Variants in PTPRD observed in about 807,000 individuals in gnomAD.
PTPRD encodes receptor-type tyrosine-protein phosphatase delta.
In PTPRD, 34 loss-of-function variants were observed where a neutral mutation model predicts 214.5. That is an observed-to-expected ratio of 0.16 (90% CI 0.12 to 0.21). The LOEUF (loss-of-function observed/expected upper bound fraction) is 0.21, where lower values mean the gene tolerates loss of function less well. Ranked by LOEUF, PTPRD falls within the 10% of genes least tolerant of loss-of-function variation. The pLI is 1.00. For missense variants in PTPRD, 2,545 were observed against 2,398.7 expected (o/e 1.06, Z -1.27); for synonymous variants, 1,128 against 845.7 (o/e 1.33, Z -5.79).
intron 11 of PTPRD, among the ~76,000 whole-genome samples, chr9:8,928,909 C>A (rs1022079921): frequency 3.9e-5 from 6 of 152,096 alleles, no homozygotes; most frequent in African/African-American, 1.4e-4. Context: ...TCCTTCGCAT[C>A]CCTCGTAAGT....
chr9:9,350,513 C>T (rs936539787), intron 9 of PTPRD, among the ~76,000 whole-genome samples: 1 of 151,910 alleles, frequency 6.6e-6, no homozygotes, highest in Non-Finnish European at 1.5e-5. Flanking sequence ...ATTTGCATCC[C>T]CTTTTGTGTC....
intron 11 of PTPRD, among the ~76,000 whole-genome samples, chr9:8,741,566 C>CTTTTTTTTTTTTTTTTTTT (rs66547770): frequency 1.3e-4 from 9 of 70,634 alleles, no homozygotes; most frequent in African/African-American, 1.8e-4. Flanking sequence ...TCAGGCATTT[C>CTTTTTTTTTTTTTTTTTTT]TTTTTTTTTT....
chr9:9,863,261 G>A (rs1458017946), intron 5 of PTPRD, among the ~76,000 whole-genome samples: 3 of 152,168 alleles, frequency 2.0e-5, no homozygotes, highest in African/African-American at 4.8e-5. Context: ...TGGAAGTGGT[G>A]CAGGGGAGTT....
In PTPRD at chr9:9,872,483, C is replaced by T. The variant is rs143603279; in HGVS notation, c.-368+66024G>A. On this transcript the variant is annotated intron_variant, in intron 5 of 45. Coordinates refer to ENST00000381196, the MANE Select transcript of PTPRD (RefSeq NM_002839.4). ...GGGCATGGGGGCACATATCTGTAGTCCCAGCTACTCTGGAGTCTGAGGTGG... is the reference window on the plus strand; with the variant it reads ...GGGCATGGGGGCACATATCTGTAGTTCCAGCTACTCTGGAGTCTGAGGTGG... 8.4e-3 allele frequency among the ~76,000 whole-genome samples: 1,285 copies of T among 152,132 alleles called. 16 individuals carry two copies. The highest frequency in any genetic ancestry group is 0.026 in the African/African-American group (1,062 of 41,502).
chr9:9,577,472 A>G (rs1209168465), intron 7 of PTPRD, among the ~76,000 whole-genome samples: 4 of 151,978 alleles, frequency 2.6e-5, no homozygotes, highest in Admixed American at 6.6e-5. Context: ...GCTTAGAAAG[A>G]AGGATCGCTT....
At chr9:8,963,626 C>G (rs142690500) in intron 11 of PTPRD, among the ~76,000 whole-genome samples, 1 of 148,018 alleles carries the variant, frequency 6.8e-6, no homozygotes, top group Non-Finnish European at 1.5e-5. Flanking sequence ...TCACAATTAA[C>G]TTTTTTTTTT....
intron 8 of PTPRD, among the ~76,000 whole-genome samples, chr9:9,425,575 G>A (rs1213987157): frequency 2.3e-5 from 1 of 43,910 alleles, no homozygotes; most frequent in Admixed American, 2.2e-4. Context: ...AGAATAGACA[G>A]TTCACAGGCT....
intron 10 of PTPRD, among the ~76,000 whole-genome samples, chr9:9,025,299 T>C (rs975290572): frequency 6.6e-6 from 1 of 152,048 alleles, no homozygotes; most frequent in African/African-American, 2.4e-5. Context: ...TGCAGTACTA[T>C]CTTTGTGAAA....
chr9:9,269,372 T>G (rs545199041), intron 9 of PTPRD, among the ~76,000 whole-genome samples: 1 of 151,022 alleles, frequency 6.6e-6, no homozygotes, highest in Non-Finnish European at 1.5e-5. Context: ...GGTGAGAGTG[T>G]GGAAAAAAAA....
At chr9:9,949,648 T>C (rs1397541954) in intron 4 of PTPRD, among the ~76,000 whole-genome samples, 1 of 152,048 alleles carries the variant, frequency 6.6e-6, no homozygotes, top group Non-Finnish European at 1.5e-5. Context: ...ATTTTCTGAA[T>C]CTCTACACTT....
intron 3 of PTPRD, among the ~76,000 whole-genome samples, chr9:10,075,263 T>C (rs1175389317): frequency 6.6e-6 from 1 of 152,086 alleles, no homozygotes; most frequent in African/African-American, 2.4e-5. Flanking sequence ...ATAATTATTA[T>C]TAACTACAAA....
chr9:9,522,465 C>T (rs967547865), intron 8 of PTPRD, among the ~76,000 whole-genome samples: 2 of 152,016 alleles, frequency 1.3e-5, no homozygotes, highest in Non-Finnish European at 2.9e-5. Context: ...ATAGTAAAAA[C>T]TTGAAAGGAC....
At chr9:10,465,144 A>C (rs2098984856) in intron 2 of PTPRD, among the ~76,000 whole-genome samples, 1 of 152,314 alleles carries the variant, frequency 6.6e-6, no homozygotes, top group East Asian at 1.9e-4. Flanking sequence ...ACAATAAAGA[A>C]AGTCAATAAT....
At chr9:9,652,044 T>C (rs2096373644) in intron 7 of PTPRD, among the ~76,000 whole-genome samples, 1 of 151,930 alleles carries the variant, frequency 6.6e-6, no homozygotes, top group Admixed American at 6.6e-5. Context: ...GGTTTCACCA[T>C]GTTAGCCAGG....
intron 8 of PTPRD, among the ~76,000 whole-genome samples, chr9:9,451,271 G>A (rs900471352): frequency 1.3e-5 from 2 of 151,632 alleles, no homozygotes; most frequent in East Asian, 3.9e-4. Flanking sequence ...TCAGTATAAG[G>A]TTTAAAGAGA....
intron 3 of PTPRD, among the ~76,000 whole-genome samples, chr9:10,222,798 A>G (rs1479313771): frequency 1.3e-5 from 2 of 152,036 alleles, no homozygotes; most frequent in African/African-American, 2.4e-5. Context: ...ATCTGAAATG[A>G]CAATAAAACA....
chr9:9,928,984 C>G (rs1022998491), intron 5 of PTPRD, among the ~76,000 whole-genome samples: 1 of 152,062 alleles, frequency 6.6e-6, no homozygotes, highest in Non-Finnish European at 1.5e-5. Flanking sequence ...CTATTTAGAA[C>G]AAATAAATGA....
At chr9:8,420,780 C>G (rs2094301859) in intron 35 of PTPRD, among the ~76,000 whole-genome samples, 1 of 149,506 alleles carries the variant, frequency 6.7e-6, no homozygotes, top group African/African-American at 2.5e-5. Context: ...AGCTTTGAGA[C>G]ATGAATACTA....
At chr9:8,345,457 G>C (rs553817983) in intron 39 of PTPRD, among the ~76,000 whole-genome samples, 1 of 152,178 alleles carries the variant, frequency 6.6e-6, no homozygotes, top group South Asian at 2.1e-4. Context: ...GCGCTCGTCT[G>C]TGATATTTCA....
Sources: allele counts gnomAD v4.1 joint callset (sites outside exome capture counted in the v4.1 genomes callset), GRCh38; gene constraint gnomAD v4.1.1; transcripts MANE v1.5; gene names NCBI Gene and HGNC (gene_info 2026-07-23, HGNC 2026-07-21).